Variants in CNBD1 observed in about 807,000 individuals in gnomAD.
The protein encoded by CNBD1 is cyclic nucleotide-binding domain-containing protein 1.
CNBD1 carries 71 observed loss-of-function variants against 54.4 expected under a neutral mutation model. That is an observed-to-expected ratio of 1.30 (90% CI 1.08 to 1.59). CNBD1 has a LOEUF of 1.59. Among genes scored for constraint, CNBD1 ranks in the 40% most tolerant of loss-of-function variants. The probability of loss-of-function intolerance (pLI) is 0.00; values close to 1 mark genes in which losing one functional copy is unlikely to be tolerated. For synonymous variants in CNBD1, 182 were observed against 170.7 expected (o/e 1.07, Z -0.51); for missense variants, 659 against 518.0 (o/e 1.27, Z -2.64).
chr8:87,306,825 C>G (rs1190148429), intron 8 of CNBD1, among the ~76,000 whole-genome samples: 2 of 152,042 alleles, frequency 1.3e-5, no homozygotes, highest in African/African-American at 4.8e-5. Flanking sequence ...CTGCCTGGGT[C>G]ATGGGTGCCC....
intron 2 of CNBD1, among the ~76,000 whole-genome samples, chr8:87,388,332 A>G (rs1811235295): frequency 6.6e-6 from 1 of 151,620 alleles, no homozygotes; most frequent in African/African-American, 2.4e-5. Flanking sequence ...TTTTGAAAAG[A>G]TCAACGAAAT....
At chr8:87,318,098 AC>A (rs1246789463) in intron 8 of CNBD1, among the ~76,000 whole-genome samples, 3 of 151,828 alleles carry the variant, frequency 2.0e-5, no homozygotes, top group Non-Finnish European at 4.4e-5. Flanking sequence ...TATTTTTTTC[AC>A]TAACTTCATA....
intron 4 of CNBD1, among the ~76,000 whole-genome samples, chr8:87,081,844 G>T (rs2130666397): frequency 6.6e-6 from 1 of 152,010 alleles, no homozygotes; most frequent in East Asian, 1.9e-4. Context: ...AATTCAAATA[G>T]GCTGATAATG....
chr8:87,024,434 G>A (rs1355632709), intron 4 of CNBD1, among the ~76,000 whole-genome samples: 1 of 151,670 alleles, frequency 6.6e-6, no homozygotes, highest in African/African-American at 2.4e-5. Flanking sequence ...TTGCCTCCCA[G>A]GTTGAAGCCA....
intron 4 of CNBD1, among the ~76,000 whole-genome samples, chr8:87,203,357 C>A (rs1450618465): frequency 6.6e-6 from 1 of 152,114 alleles, no homozygotes; most frequent in Non-Finnish European, 1.5e-5. Context: ...CTTACACAAA[C>A]AAATGATTTT....
intron 1 of CNBD1, among the ~76,000 whole-genome samples, chr8:86,877,026 G>C (rs888811006): frequency 2.0e-5 from 3 of 151,894 alleles, no homozygotes; most frequent in East Asian, 3.9e-4. Context: ...TTTAGAAAAT[G>C]CATATTTATA....
At chr8:86,886,292 A>G (rs1808680089) in intron 1 of CNBD1, among the ~76,000 whole-genome samples, 1 of 152,212 alleles carries the variant, frequency 6.6e-6, no homozygotes, top group Non-Finnish European at 1.5e-5. Context: ...GTAAGCTGAC[A>G]GCTTGGTTCA....
At chr8:86,975,470 A>G (rs150566136) in intron 4 of CNBD1, among the ~76,000 whole-genome samples, 193 of 152,158 alleles carry the variant, frequency 1.3e-3, no homozygotes, top group African/African-American at 4.5e-3. Context: ...TATAGGTGAG[A>G]TCATTGAGTA....
intron 2 of CNBD1, among the ~76,000 whole-genome samples, chr8:87,388,564 C>G (rs1295155832): frequency 6.6e-6 from 1 of 152,178 alleles, no homozygotes; most frequent in Non-Finnish European, 1.5e-5. Flanking sequence ...GAAGCTGAAT[C>G]TCTGAGTAGA....
chr8:87,083,781 G>T (rs994775275), intron 4 of CNBD1, among the ~76,000 whole-genome samples: 2 of 151,794 alleles, frequency 1.3e-5, no homozygotes, highest in African/African-American at 4.8e-5. Flanking sequence ...GTAGAGACAG[G>T]GTTTTACCAT....
intron 3 of CNBD1, among the ~76,000 whole-genome samples, chr8:86,915,839 C>T (rs190346546): frequency 6.6e-6 from 1 of 152,238 alleles, no homozygotes; most frequent in African/African-American, 2.4e-5. Context: ...TCTATCTGGG[C>T]ATTAGTTACC....
chr8:87,353,342 C>G lies in CNBD1; in HGVS notation c.1153-294C>G, dbSNP rs905364462. On this transcript the variant is annotated intron_variant, in intron 9 of 10. Transcript: ENST00000518476. ...GAAACTATGCTCACAAAATGATATC[C>G]TAGATCCTTGAAATGTGGAATTAGT... 5.9e-5 allele frequency among the ~76,000 whole-genome samples: 9 copies of G among 152,234 alleles called. No homozygotes were observed. In the South Asian group the frequency reaches 1.5e-3, roughly 25 times the overall value.
chr8:87,328,243 C>T (rs1469838563), intron 8 of CNBD1, among the ~76,000 whole-genome samples: 1 of 151,984 alleles, frequency 6.6e-6, no homozygotes, highest in Non-Finnish European at 1.5e-5. Flanking sequence ...ATATTTCCTT[C>T]ATTGTTTATT....
rs1365538702 is a variant in CNBD1, at chr8:87,236,974, A to G, written c.633A>G (p.Thr211=). ...TGAAAGGCCTAGCTCGACCTCAAAC[A>G]AACGTGTATAAAAATCTGATTGAAG... is the stretch of plus-strand genomic sequence containing the variant. The part of the protein sequence containing the change: ...VILKGLARPQ[T]NVYKNLIEGS... Residue 211 remains threonine (T), a synonymous_variant, in exon 6 of 11, where the codon ACA becomes ACG. Transcript: ENST00000518476. 2 of 1,612,360 alleles carry G rather than the reference A, an allele frequency of 1.2e-6. No individual in the cohort carries two copies. Among genetic ancestry groups the G allele is most frequent in the Non-Finnish European group, 1.7e-6 (2 of 1,178,926 alleles).
chr8:86,992,838 C>T (rs1457940932), intron 4 of CNBD1, among the ~76,000 whole-genome samples: 1 of 152,076 alleles, frequency 6.6e-6, no homozygotes, highest in Non-Finnish European at 1.5e-5. Flanking sequence ...GATTGGGTCC[C>T]CTTCGTATGT....
chr8:87,284,851 T>A (rs754035487), intron 7 of CNBD1, 36 bp downstream of exon 7: 6 of 1,450,020 alleles, frequency 4.1e-6, no homozygotes, highest in Non-Finnish European at 5.6e-6. Context: ...TAAACAAAAA[T>A]TGGGCATAAA....
At chr8:87,293,409 T>G (rs909876144) in intron 8 of CNBD1, among the ~76,000 whole-genome samples, 3 of 151,942 alleles carry the variant, frequency 2.0e-5, no homozygotes, top group Non-Finnish European at 4.4e-5. Flanking sequence ...CCAGGCACAG[T>G]GGCAGGCGCT....
chr8:87,401,141 C>T lies in CNBD1; in HGVS notation c.214-27405C>T, dbSNP rs903420070. Among the ~76,000 whole-genome samples the T allele has an allele frequency of 7.2e-5, 11 of 152,108 alleles. No individual in the cohort carries two copies. In the South Asian group the frequency reaches 2.1e-3, roughly 29 times the overall value. ...CTCCAAAGCTACATATAAATATAAT[C>T]TTTGGATATGTTTTCTAGCCAACCA... On this transcript the variant is annotated intron_variant, in intron 2 of 7. Coordinates refer to the CNBD1 transcript ENST00000521593.
intron 7 of CNBD1, among the ~76,000 whole-genome samples, chr8:87,285,590 G>C (rs1808679286): frequency 6.6e-6 from 1 of 152,128 alleles, no homozygotes; most frequent in African/African-American, 2.4e-5. Flanking sequence ...GACAAAATTA[G>C]CCGGGCTTGG....
Sources: gnomAD v4.1 joint callset for allele counts (sites outside exome capture counted in the v4.1 genomes callset) on GRCh38, gnomAD v4.1.1 for gene constraint, MANE v1.5 for transcripts, NCBI Gene and HGNC (gene_info 2026-07-23, HGNC 2026-07-21) for gene names.